The following PPCS variants were observed in gnomAD, a reference collection of about 807,000 sequenced individuals.
PPCS encodes phosphopantothenate--cysteine ligase.
In PPCS, 17 loss-of-function variants were observed where a neutral mutation model predicts 24.6. That is an observed-to-expected ratio of 0.69 (90% CI 0.47 to 1.04). PPCS has a LOEUF of 1.04. Among genes scored for constraint, PPCS ranks in the 50% least tolerant of loss-of-function variants. PPCS has a pLI of 0.00. For synonymous variants in PPCS, 190 were observed against 168.3 expected (o/e 1.13, Z -1.00); for missense variants, 360 against 402.8 (o/e 0.89, Z 0.91).
chr1:42,469,481 A>T (rs1279773851), intron 2 of PPCS, among the ~76,000 whole-genome samples: 1 of 152,236 alleles, frequency 6.6e-6, no homozygotes, highest in Admixed American at 6.5e-5. Context: ...AAAACAGGAC[A>T]GTAGCTAGAG....
downstream of PPCS, among the ~76,000 whole-genome samples, chr1:42,464,577 T>G (rs1190346636): frequency 6.6e-6 from 1 of 152,174 alleles, no homozygotes; most frequent in Non-Finnish European, 1.5e-5. Context: ...AAAATAAATA[T>G]TTTTGGCAAG....
intron 1 of PPCS, 27 bp from the exon 2 acceptor site, chr1:42,457,220 G>A (rs768365807): frequency 4.3e-6 from 7 of 1,613,818 alleles, no homozygotes; most frequent in Non-Finnish European, 1.7e-6. Flanking sequence ...TCGCCGATTT[G>A]TTAACACCTT....
chr1:42,457,419 T>C (rs750301836), intron 2 of PPCS, 69 bp downstream of exon 2: 1 of 1,344,868 alleles, frequency 7.4e-7, no homozygotes. Flanking sequence ...CCTCTTGATC[T>C]GGAGATGGCC....
chr1:42,468,242 T>G (rs542230656), intron 2 of PPCS, among the ~76,000 whole-genome samples: 1 of 152,342 alleles, frequency 6.6e-6, no homozygotes, highest in East Asian at 1.9e-4. Flanking sequence ...AATCTATAAC[T>G]GGTGGGGCAG....
chr1:42,462,983 G>C (rs1643449973), downstream of PPCS, among the ~76,000 whole-genome samples: 1 of 152,230 alleles, frequency 6.6e-6, no homozygotes, highest in Non-Finnish European at 1.5e-5. Context: ...AAGGTTAGTA[G>C]GCAGGGGCTC....
rs564228914 is a variant in PPCS at position 42,459,632 on chromosome 1, T to G, written c.642T>G (p.Leu214=). The G allele has an allele frequency of 3.7e-6, 6 of 1,613,978 alleles. No homozygotes were observed. The East Asian group carries it at 1.1e-4, about 30-fold the overall frequency. Residue 214 remains leucine, a synonymous_variant, in exon 3 of 3, where the codon CTT becomes CTG. Coordinates refer to ENST00000372561, the MANE Select transcript of PPCS (RefSeq NM_024664.4). ...CAATGAAGATGGTGCCAAAACTGCT[T>G]TCTCCTTTGGTTAAAGATTGGGCTC... is the stretch of plus-strand genomic sequence containing the variant. ...QITMKMVPKL[L]SPLVKDWAPK... is the part of the protein sequence containing the mutation.
chr1:42,466,615 G>A (rs1643593040), intron 2 of PPCS, among the ~76,000 whole-genome samples: 2 of 151,270 alleles, frequency 1.3e-5, no homozygotes, highest in African/African-American at 4.9e-5. Flanking sequence ...GCAGTGTTGA[G>A]ATCTCGGCTC....
upstream of PPCS, chr1:42,456,387 G>A: frequency 1.4e-6 from 1 of 729,674 alleles, no homozygotes; most frequent in Non-Finnish European, 2.2e-6. Flanking sequence ...TGTCACTTTC[G>A]CTGGGCTCTG....
chr1:42,472,469 G>A (rs1239912632), intron 2 of PPCS, among the ~76,000 whole-genome samples: 1 of 152,116 alleles, frequency 6.6e-6, no homozygotes, highest in Non-Finnish European at 1.5e-5. Flanking sequence ...TATTCTGTGA[G>A]TAAAATAAAT....
At chr1:42,466,494 A>G (rs951647168) in intron 2 of PPCS, among the ~76,000 whole-genome samples, 2 of 152,008 alleles carry the variant, frequency 1.3e-5, no homozygotes, top group Admixed American at 6.5e-5. Flanking sequence ...AAGAGATTTA[A>G]TGAGCATTTA....
downstream of PPCS, among the ~76,000 whole-genome samples, chr1:42,465,263 A>T (rs1159325113): frequency 1.3e-5 from 2 of 152,256 alleles, no homozygotes; most frequent in Non-Finnish European, 2.9e-5. Context: ...GTGAGCTATG[A>T]TCGCACCACT....
In PPCS at chr1:42,459,996, C is replaced by T. The variant is rs1035910938; in HGVS notation, c.*70C>T. 12 of 1,501,724 alleles carry T rather than the reference C, an allele frequency of 8.0e-6. No individual in the cohort carries two copies. The highest frequency in any genetic ancestry group is 2.5e-4 in the Middle Eastern group (1 of 4,056). 93.0% of individuals were successfully genotyped at this position (1,501,724 alleles called of 1,614,324 possible). ...AGATGGTGAAAACTACAAAAAAAAC[C>T]ATGGCTTTCATATGGACAGATAAAA... On this transcript the variant is annotated 3_prime_UTR_variant, in exon 3 of 3. Transcript: ENST00000372561.
At chr1:42,462,683 A>G (rs1283464246), downstream of PPCS, among the ~76,000 whole-genome samples, 1 of 152,234 alleles carries the variant, frequency 6.6e-6, no homozygotes, top group African/African-American at 2.4e-5. Context: ...GAGTATGTTA[A>G]ATTTTGTGTC....
At position 42,460,274 on chromosome 1, in the gene PPCS, G is replaced by A. The variant is rs1254222681; in HGVS notation, c.*348G>A. Reference sequence around the variant, plus strand: ...GTCATGCTTTGGAGATCAAATATTGGTTGAATGCCTATGTATGTCAGGCCC... The same window carrying A: ...GTCATGCTTTGGAGATCAAATATTGATTGAATGCCTATGTATGTCAGGCCC... On this transcript the variant is annotated 3_prime_UTR_variant, in exon 3 of 3. Transcript: ENST00000372561. The A allele has an allele frequency of 3.0e-6, 3 of 1,015,524 alleles. No homozygotes were observed. The East Asian group carries it at 2.7e-4, about 93-fold the overall frequency. 62.9% of individuals were successfully genotyped at this position (1,015,524 alleles called of 1,614,324 possible). A position where few individuals can be genotyped will look rare whatever the true frequency, so the allele number is the denominator to read the frequency against.
intron 2 of PPCS, among the ~76,000 whole-genome samples, chr1:42,457,955 C>CAAA (rs547006454): frequency 4.9e-5 from 5 of 101,062 alleles, no homozygotes; most frequent in African/African-American, 1.1e-4. Context: ...TACTCCGTCG[C>CAAA]AAAAAAAAAA....
intron 2 of PPCS, among the ~76,000 whole-genome samples, chr1:42,469,762 CTGTT>C (rs971922858): frequency 6.6e-6 from 1 of 152,052 alleles, no homozygotes; most frequent in Non-Finnish European, 1.5e-5. Context: ...AAGCAACTGA[CTGTT>C]TTATGATGAC....
At position 42,456,602 on chromosome 1, in the gene PPCS, C is replaced by A. The variant is rs1303184999; in HGVS notation, c.37C>A (p.Pro13Thr). Reference sequence around the variant, plus strand: ...GGATCCGGTAGCCGAGTTCCCCCAGCCTCCCGGTGCTGCGCGCTGGGCTGA... The same window carrying A: ...GGATCCGGTAGCCGAGTTCCCCCAGACTCCCGGTGCTGCGCGCTGGGCTGA... ...EMDPVAEFPQ[P>T]PGAARWAEVM... The change falls in exon 1 of 3, where the codon CCT (proline) becomes ACT (threonine). Residue 13 changes from proline to threonine, a missense_variant. Physicochemically the swap from Pro to Thr is conservative, Grantham distance 38. This residue lies in a region of PPCS where 244 missense variants were observed against 234.7 expected (regional missense o/e 1.04). Coordinates refer to ENST00000372561, the MANE Select transcript of PPCS (RefSeq NM_024664.4). The A allele has an allele frequency of 4.0e-6, 6 of 1,514,048 alleles. No individual in the cohort carries two copies. Among genetic ancestry groups the A allele is most frequent in the Non-Finnish European group, 5.3e-6 (6 of 1,133,658 alleles). The allele number at this position is 1,514,048 out of a possible 1,614,324, so 93.8% of individuals were successfully genotyped here. A position where few individuals can be genotyped will look rare whatever the true frequency, so the allele number is the denominator to read the frequency against.
upstream of PPCS, chr1:42,456,484 G>T (rs1220218235): frequency 1.5e-6 from 2 of 1,371,560 alleles, no homozygotes; most frequent in East Asian, 2.7e-5. Flanking sequence ...TCAGTACGGC[G>T]CGGCGCGTAC....
downstream of PPCS, chr1:42,464,232 T>G (rs1017768387): frequency 1.3e-5 from 2 of 152,198 alleles, no homozygotes; most frequent in African/African-American, 2.4e-5. Context: ...ATATAAACAT[T>G]AAATACTGTA....
Sources: allele counts gnomAD v4.1 joint callset (sites outside exome capture counted in the v4.1 genomes callset), GRCh38; gene constraint gnomAD v4.1.1; regional missense constraint gnomAD v4.1.1; transcripts MANE v1.5; gene names NCBI Gene and HGNC (gene_info 2026-07-23, HGNC 2026-07-21).